The following STARD13 variants were observed in gnomAD, a reference collection of about 807,000 sequenced individuals.
STARD13 encodes stAR-related lipid transfer protein 13.
STARD13 carries 62 observed loss-of-function variants against 106.4 expected under a neutral mutation model. That is an observed-to-expected ratio of 0.58 (90% CI 0.48 to 0.72). The LOEUF (loss-of-function observed/expected upper bound fraction) is 0.72. STARD13 is among the 30% of genes least tolerant of loss of function. The probability of loss-of-function intolerance (pLI) is 0.00; values close to 1 mark genes in which losing one functional copy is unlikely to be tolerated. For missense variants in STARD13, 1,387 were observed against 1,424.0 expected (o/e 0.97, Z 0.42); for synonymous variants, 565 against 553.0 (o/e 1.02, Z -0.31).
At chr13:33,450,761 A>G in the STARD13 span, among the ~76,000 whole-genome samples, 2 of 152,354 alleles carry the variant, frequency 1.3e-5, no homozygotes, top group Admixed American at 6.5e-5. Flanking sequence ...GTTGAAGAAT[A>G]TGCTCATTGG....
At chr13:33,531,525 T>A in the STARD13 span, among the ~76,000 whole-genome samples, 1 of 152,186 alleles carries the variant, frequency 6.6e-6, no homozygotes, top group African/African-American at 2.4e-5. Context: ...GTTTGTCTTG[T>A]ACATTTCCTT....
chr13:33,526,815 A>G, the STARD13 span, among the ~76,000 whole-genome samples: 4 of 152,262 alleles, frequency 2.6e-5, no homozygotes, highest in Non-Finnish European at 5.9e-5. Flanking sequence ...TTATGTTAGT[A>G]CGTGACAGGT....
intron 1 of STARD13, among the ~76,000 whole-genome samples, chr13:33,298,119 C>CA (rs1892567029): frequency 8.1e-6 from 1 of 122,738 alleles, no homozygotes; most frequent in Non-Finnish European, 1.7e-5. Flanking sequence ...ATCCCATCTA[C>CA]AGTTTTTTTT....
chr13:33,437,147 T>C, the STARD13 span, among the ~76,000 whole-genome samples: 22 of 152,198 alleles, frequency 1.4e-4, no homozygotes, highest in African/African-American at 4.6e-4. Context: ...TAATTAAAGA[T>C]TGACCCCTAA....
At chr13:33,540,191 G>A in the STARD13 span, among the ~76,000 whole-genome samples, 11 of 152,230 alleles carry the variant, frequency 7.2e-5, no homozygotes, top group African/African-American at 2.2e-4. Flanking sequence ...TATTATGCAC[G>A]AATTTCTTTT....
At chr13:33,204,936 C>T (rs904900779) in intron 1 of STARD13, among the ~76,000 whole-genome samples, 1 of 152,230 alleles carries the variant, frequency 6.6e-6, no homozygotes, top group Non-Finnish European at 1.5e-5. Context: ...AAATAAGTCC[C>T]TTTCCGCCTG....
the STARD13 span, among the ~76,000 whole-genome samples, chr13:33,635,173 C>G: frequency 1.3e-5 from 2 of 152,182 alleles, no homozygotes; most frequent in Non-Finnish European, 2.9e-5. Context: ...AGTGCCCACT[C>G]TGTGGACCCT....
At chr13:33,273,514 A>G (rs1479881735) in intron 1 of STARD13, among the ~76,000 whole-genome samples, 1 of 152,242 alleles carries the variant, frequency 6.6e-6, no homozygotes, top group Non-Finnish European at 1.5e-5. Context: ...AAAAGAATCC[A>G]CAATGTTTAA....
the STARD13 span, among the ~76,000 whole-genome samples, chr13:33,425,462 A>C: frequency 6.6e-6 from 1 of 152,250 alleles, no homozygotes; most frequent in East Asian, 1.9e-4. Flanking sequence ...AATGGTTCTC[A>C]AGGGAGATGC....
At chr13:33,659,039 A>T in the STARD13 span, among the ~76,000 whole-genome samples, 1 of 152,006 alleles carries the variant, frequency 6.6e-6, no homozygotes, top group Non-Finnish European at 1.5e-5. Context: ...CCCCTTCCTC[A>T]TATCCCTATG....
At chr13:33,246,227 A>G (rs145574945) in intron 1 of STARD13, among the ~76,000 whole-genome samples, 7 of 152,310 alleles carry the variant, frequency 4.6e-5, no homozygotes, top group African/African-American at 1.7e-4. Context: ...ATGCGCATCA[A>G]AGAGAGGTAA....
At chr13:33,657,098 T>C in the STARD13 span, among the ~76,000 whole-genome samples, 2 of 152,016 alleles carry the variant, frequency 1.3e-5, no homozygotes, top group East Asian at 3.9e-4. Flanking sequence ...TGAAACCCCA[T>C]CTCTACTAAA....
At chr13:33,631,555 A>G in the STARD13 span, among the ~76,000 whole-genome samples, 1 of 152,244 alleles carries the variant, frequency 6.6e-6, no homozygotes, top group Non-Finnish European at 1.5e-5. Flanking sequence ...CTCATGGTAC[A>G]AGACATGTGA....
chr13:33,229,657 CT>C (rs1888809734), intron 1 of STARD13, among the ~76,000 whole-genome samples: 1 of 152,214 alleles, frequency 6.6e-6, no homozygotes, highest in Non-Finnish European at 1.5e-5. Flanking sequence ...CAGAAATGGC[CT>C]GTTTTTCACT....
chr13:33,144,654 G>T (rs1880288026), intron 3 of STARD13, among the ~76,000 whole-genome samples: 1 of 152,150 alleles, frequency 6.6e-6, no homozygotes, highest in African/African-American at 2.4e-5. Flanking sequence ...GACCATCTTT[G>T]GCAGGCTCTC....
Position 33,149,204 on chromosome 13 carries a change from G to A in STARD13, c.324-6831C>T, listed in dbSNP as rs190821324. 2.6e-5 allele frequency among the ~76,000 whole-genome samples: 4 copies of A among 152,084 alleles called. No individual in the cohort carries two copies. In the East Asian group the frequency reaches 7.7e-4, roughly 29 times the overall value. ...AATGTACACTATGGAGAATTTGGGTGATAATGATATGTCAATGTAGGTTCA... is the reference window on the plus strand; with the variant it reads ...AATGTACACTATGGAGAATTTGGGTAATAATGATATGTCAATGTAGGTTCA... On this transcript the variant is annotated intron_variant, in intron 3 of 13. Transcript: ENST00000336934.
chr13:33,318,972 C>A (rs1328494839), intron 1 of STARD13, among the ~76,000 whole-genome samples: 1 of 152,124 alleles, frequency 6.6e-6, no homozygotes, highest in African/African-American at 2.4e-5. Context: ...GGTGCAACCA[C>A]TTTGGAAAAC....
intron 1 of STARD13, among the ~76,000 whole-genome samples, chr13:33,215,543 C>G (rs1223294887): frequency 1.3e-5 from 2 of 152,142 alleles, no homozygotes; most frequent in Non-Finnish European, 2.9e-5. Context: ...GATGCTCAGA[C>G]ATAATAATGC....
At chr13:33,327,786 C>T (rs1384242827) in intron 1 of STARD13, among the ~76,000 whole-genome samples, 1 of 152,158 alleles carries the variant, frequency 6.6e-6, no homozygotes, top group South Asian at 2.1e-4. Flanking sequence ...TACATTTATG[C>T]ACTTTGAAAA....
Sources: allele counts gnomAD v4.1 joint callset (sites outside exome capture counted in the v4.1 genomes callset), GRCh38; gene constraint gnomAD v4.1.1; transcripts MANE v1.5; gene names NCBI Gene and HGNC (gene_info 2026-07-23, HGNC 2026-07-21).